TEX15: variants seen among roughly 807,000 people sequenced by gnomAD.
TEX15 encodes the protein testis-expressed protein 15.
A neutral mutation model predicts 237.3 loss-of-function variants in TEX15; 171 were observed. The observed-to-expected ratio is 0.72, with a 90% confidence interval of 0.64 to 0.82. The LOEUF (loss-of-function observed/expected upper bound fraction) is 0.82. Among genes scored for constraint, TEX15 ranks in the 40% least tolerant of loss-of-function variants. The probability of loss-of-function intolerance (pLI) is 0.00; values close to 1 mark genes in which losing one functional copy is unlikely to be tolerated. For missense variants in TEX15, 3,750 were observed against 3,646.5 expected (o/e 1.03, Z -0.73); for synonymous variants, 1,338 against 1,269.8 (o/e 1.05, Z -1.14).
chr8:30,882,441 C>G (rs930497653), intron 3 of TEX15, among the ~76,000 whole-genome samples: 1 of 152,190 alleles, frequency 6.6e-6, no homozygotes, highest in Non-Finnish European at 1.5e-5. Context: ...CGGCCGCCAC[C>G]ATGCCCGGCT....
At position 30,847,717 on chromosome 8, in the gene TEX15, A is replaced by G; in HGVS notation, c.2450T>C (p.Leu817Ser). 1 of 1,613,776 alleles carries G rather than the reference A, an allele frequency of 6.2e-7. No homozygotes were observed. ...HRKNENEPVS[L>S]ENIQRDYKET... ...TTTATAGTCTCTCTGAATGTTCTCT[A>G]ATGACACTGGTTCATTTTCATTTTT... The change falls in exon 8 of 11, where the codon TTA becomes TCA. Residue 817 changes from leucine (L) to serine (S), a missense_variant. Leu to Ser is a moderately radical substitution (Grantham distance 145, BLOSUM62 -2). Coordinates refer to ENST00000643185, the MANE Select transcript of TEX15 (RefSeq NM_001350162.2).
chr8:30,856,410 G>T (rs1203152448), intron 7 of TEX15, among the ~76,000 whole-genome samples: 1 of 151,934 alleles, frequency 6.6e-6, no homozygotes, highest in African/African-American at 2.4e-5. Context: ...TACAAAATTA[G>T]CCAGGTGTGG....
At chr8:30,889,345 G>A (rs1199736475) in intron 2 of TEX15, among the ~76,000 whole-genome samples, 1 of 152,062 alleles carries the variant, frequency 6.6e-6, no homozygotes, top group South Asian at 2.1e-4. Flanking sequence ...CCAGCTAATC[G>A]GGAGGCTGAG....
rs143028930 is a variant in TEX15 at position 30,865,499 on chromosome 8, A to C, written c.540+1766T>G. Among the ~76,000 whole-genome samples the C allele has an allele frequency of 4.6e-5, 7 of 152,244 alleles. No homozygotes were observed. In the East Asian group the frequency reaches 1.3e-3, roughly 29 times the overall value. ...CTTGATGCCAAAACCAAAGACAACG[A>C]AAGAAGCTATGGGCCAATACCCCTG... is the stretch of plus-strand genomic sequence containing the variant. On this transcript the variant is annotated intron_variant, in intron 5 of 10. Coordinates refer to ENST00000643185, the MANE Select transcript of TEX15 (RefSeq NM_001350162.2).
At chr8:30,855,442 A>G (rs2128769696) in intron 7 of TEX15, among the ~76,000 whole-genome samples, 1 of 152,332 alleles carries the variant, frequency 6.6e-6, no homozygotes, top group African/African-American at 2.4e-5. Context: ...AAAAAGTCAA[A>G]TAAGTTATGA....
At chr8:30,872,975 A>G (rs1239702153) in intron 4 of TEX15, among the ~76,000 whole-genome samples, 1 of 152,170 alleles carries the variant, frequency 6.6e-6, no homozygotes, top group Non-Finnish European at 1.5e-5. Flanking sequence ...TATAATGTCT[A>G]CAGTAGTAAC....
chr8:30,860,534 T>C (rs929234240), intron 5 of TEX15, among the ~76,000 whole-genome samples: 3 of 150,450 alleles, frequency 2.0e-5, no homozygotes, highest in Non-Finnish European at 3.0e-5. Context: ...AAGATTAGAG[T>C]AATACCAATT....
At chr8:30,888,581 G>C (rs984101682) in intron 2 of TEX15, 1 of 1,270,650 alleles carries the variant, frequency 7.9e-7, no homozygotes, top group African/African-American at 1.5e-5. Flanking sequence ...GATTTCAAAA[G>C]AAAGCTATGG....
rs1182998683 is a variant in TEX15, at chr8:30,839,977, G to A, written c.8164-13C>T. 14 of 1,546,666 alleles carry A rather than the reference G, an allele frequency of 9.1e-6. No homozygotes were observed. The highest frequency in any genetic ancestry group is 1.2e-5 in the Non-Finnish European group (14 of 1,142,332). On this transcript the variant is annotated splice_polypyrimidine_tract_variant and intron_variant, in intron 8 of 10. Transcript: ENST00000643185. ...CTTTCATGTCTACCTGTGTTTAAAA[G>A]ATACAAAGAAAATCTTCATTAGTGA...
rs1807479053 is a variant in TEX15 at position 30,842,355 on chromosome 8, T to C, written c.7812A>G (p.Lys2604=). 3 of 1,613,840 alleles carry C rather than the reference T, an allele frequency of 1.9e-6. No homozygotes were observed. Among genetic ancestry groups the C allele is most frequent in the Non-Finnish European group, 2.5e-6 (3 of 1,179,860 alleles). The change falls in exon 8 of 11, where the codon AAA becomes AAG. Residue 2604 remains lysine (K), a synonymous_variant. Coordinates refer to ENST00000643185, the MANE Select transcript of TEX15 (RefSeq NM_001350162.2). ...TAATGTGGGCCATTTTTCCTAAATC[T>C]TTCCTAGGGGCAGACATTACATTCT... ...LLKNVMSAPR[K]DLGKMAHIRK...
At chr8:30,852,988 TTAGA>T (rs1354763197) in intron 7 of TEX15, among the ~76,000 whole-genome samples, 1 of 152,194 alleles carries the variant, frequency 6.6e-6, no homozygotes, top group Non-Finnish European at 1.5e-5. Context: ...GGCTACTGTA[TTAGA>T]TAGTGTAGTC....
Position 30,875,072 on chromosome 8 carries a change from C to T in TEX15, c.167G>A (p.Arg56Lys). The stretch of plus-strand genomic sequence containing the variant: ...AGTATCATGTATAAAACTATACTCT[C>T]TACTATTGGTGTAACAAGGTGACAA... ...VYLSPCYTNSREYSFIHDTLN... is the reference protein window; with the variant it reads ...VYLSPCYTNSKEYSFIHDTLN... Residue 56 changes from arginine to lysine, a missense_variant, in exon 4 of 11, where the codon AGA (arginine) becomes AAA (lysine). Transcript: ENST00000643185. The T allele has an allele frequency of 8.0e-7, 1 of 1,256,998 alleles. No individual in the cohort carries two copies. 77.9% of individuals were successfully genotyped at this position (1,256,998 alleles called of 1,614,324 possible).
At chr8:30,859,885 A>C in intron 6 of TEX15, 26 bp downstream of exon 6, 1 of 1,375,268 alleles carries the variant, frequency 7.3e-7, no homozygotes, top group Non-Finnish European at 9.4e-7. Flanking sequence ...GTACTTTTCA[A>C]GAAATCAAAT....
intron 10 of TEX15, among the ~76,000 whole-genome samples, chr8:30,835,404 A>G (rs1283130893): frequency 6.6e-6 from 1 of 151,994 alleles, no homozygotes; most frequent in African/African-American, 2.4e-5. Flanking sequence ...AAAAATAAAA[A>G]TTAAAAATTA....
chr8:30,888,831 C>A (rs2128776419), intron 2 of TEX15: 1 of 347,756 alleles, frequency 2.9e-6, no homozygotes, highest in Non-Finnish European at 5.5e-6. Context: ...ATCACCCAAT[C>A]AAACATGGAT....
intron 7 of TEX15, among the ~76,000 whole-genome samples, chr8:30,857,642 T>C (rs1585292389): frequency 6.6e-6 from 1 of 152,248 alleles, no homozygotes; most frequent in South Asian, 2.1e-4. Context: ...GGAAAACTAA[T>C]GGCCAATACA....
chr8:30,902,224 CT>C (rs551012450), intron 1 of TEX15, among the ~76,000 whole-genome samples: 4,392 of 140,302 alleles, frequency 0.031, 162 homozygotes, highest in African/African-American at 0.091. Context: ...CCTTTTCCTC[CT>C]TTTTTTTTTT....
At chr8:30,851,158 A>G (rs1807776014) in intron 7 of TEX15, among the ~76,000 whole-genome samples, 1 of 152,222 alleles carries the variant, frequency 6.6e-6, no homozygotes, top group Admixed American at 6.5e-5. Context: ...CCAAAGTTCT[A>G]TGGACAAGGA....
intron 2 of TEX15, chr8:30,888,619 G>C (rs1808716818): frequency 7.8e-7 from 1 of 1,288,822 alleles, no homozygotes; most frequent in Admixed American, 2.3e-5. Context: ...ATATATATAA[G>C]CAGGTATTTT....
Sources: gnomAD v4.1 joint callset for allele counts (sites outside exome capture counted in the v4.1 genomes callset) on GRCh38, gnomAD v4.1.1 for gene constraint, MANE v1.5 for transcripts, NCBI Gene and HGNC (gene_info 2026-07-23, HGNC 2026-07-21) for gene names.